Variants in UBE3A observed in about 807,000 individuals in gnomAD.
UBE3A encodes ubiquitin-protein ligase E3A.
A neutral mutation model predicts 83.4 loss-of-function variants in UBE3A; 6 were observed. That is an observed-to-expected ratio of 0.07 (90% CI 0.04 to 0.14). The LOEUF (loss-of-function observed/expected upper bound fraction) is 0.14. Ranked by LOEUF, UBE3A falls within the 10% of genes least tolerant of loss-of-function variation. The pLI, the probability that UBE3A is intolerant of heterozygous loss-of-function variation, is 1.00. For missense variants in UBE3A, 456 were observed against 1,036.1 expected (o/e 0.44, Z 7.69); for synonymous variants, 337 against 355.4 (o/e 0.95, Z 0.58).
At chr15:25,402,694 A>G (rs541457523) in intron 4 of UBE3A, among the ~76,000 whole-genome samples, 35 of 152,314 alleles carry the variant, frequency 2.3e-4, no homozygotes, top group South Asian at 1.2e-3. Context: ...CCCCAGGTGA[A>G]CAGTCTCTCT....
intron 11 of UBE3A, among the ~76,000 whole-genome samples, chr15:25,351,893 T>A (rs141582146): frequency 0.011 from 1,614 of 152,280 alleles, 25 homozygotes; most frequent in Middle Eastern, 0.031. Context: ...AAGGTTTGAT[T>A]CAGATTCAGA....
chr15:25,414,274 T>C (rs1006621136), intron 1 of UBE3A, among the ~76,000 whole-genome samples: 9 of 152,186 alleles, frequency 5.9e-5, no homozygotes, highest in African/African-American at 2.2e-4. Context: ...CCCTAACCAC[T>C]GTGTAGGTTG....
At position 25,342,197 on chromosome 15, in the gene UBE3A, A is replaced by G. The variant is rs566770895; in HGVS notation, c.2355-1969T>C. On this transcript the variant is annotated intron_variant, in intron 11 of 12. Transcript: ENST00000648336. ...CTGCTGTAGCACAGAACCCTCCAAC[A>G]TAGCAGAAAAGCTGCCCTGCAGTGG... 3.3e-5 allele frequency among the ~76,000 whole-genome samples: 5 copies of G among 152,262 alleles called. No individual in the cohort carries two copies. In the South Asian group the frequency reaches 1.0e-3, roughly 32 times the overall value.
chr15:25,434,969 TACACACACAC>T (rs55856025), intron 1 of UBE3A, among the ~76,000 whole-genome samples: 19,495 of 142,710 alleles, frequency 0.14, 1,738 homozygotes, highest in East Asian at 0.27. Flanking sequence ...TCTATATACA[TACACACACAC>T]ACACACACAC....
intron 1 of UBE3A, chr15:25,413,108 G>A: frequency 2.4e-6 from 1 of 409,538 alleles, no homozygotes; most frequent in Non-Finnish European, 4.7e-6. Flanking sequence ...TAAAAATACA[G>A]AATAACAAAA....
At chr15:25,366,722 A>G (rs986150930) in intron 6 of UBE3A, among the ~76,000 whole-genome samples, 2 of 152,238 alleles carry the variant, frequency 1.3e-5, no homozygotes, top group Admixed American at 6.5e-5. Context: ...ACATACTTGT[A>G]TATCAAAATG....
At chr15:25,364,219 ATAAAT>A (rs1354131500) in intron 6 of UBE3A, among the ~76,000 whole-genome samples, 2 of 152,048 alleles carry the variant, frequency 1.3e-5, no homozygotes, top group African/African-American at 4.8e-5. Context: ...AAAAATTAAA[ATAAAT>A]AAAATAGTAA....
intron 3 of UBE3A, 75 bp from the exon 4 acceptor site, chr15:25,405,577 A>T (rs2088320836): frequency 1.3e-6 from 2 of 1,484,152 alleles, no homozygotes; most frequent in Non-Finnish European, 1.9e-6. Context: ...ATTACTTAGG[A>T]AGACAATTTT....
intron 11 of UBE3A, chr15:25,354,147 A>AT: frequency 1.6e-6 from 1 of 613,502 alleles, no homozygotes; most frequent in Non-Finnish European, 2.9e-6. Flanking sequence ...CATGAGACTT[A>AT]TATATAACAA....
At chr15:25,437,275 T>C (rs1895381128) in intron 1 of UBE3A, among the ~76,000 whole-genome samples, 1 of 152,152 alleles carries the variant, frequency 6.6e-6, no homozygotes, top group South Asian at 2.1e-4. Context: ...TCTCCTAAAT[T>C]CTAAATTTTA....
intron 6 of UBE3A, among the ~76,000 whole-genome samples, chr15:25,368,062 T>C (rs2079611873): frequency 6.6e-6 from 1 of 152,096 alleles, no homozygotes; most frequent in Non-Finnish European, 1.5e-5. Flanking sequence ...CCAACCCTGC[T>C]ATACAATTCC....
chr15:25,354,121 C>T, intron 11 of UBE3A: 1 of 576,938 alleles, frequency 1.7e-6, no homozygotes. Context: ...ATCCATACGC[C>T]AAATGCAGGA....
At chr15:25,386,197 T>C (rs114861286) in intron 4 of UBE3A, among the ~76,000 whole-genome samples, 5,661 of 152,174 alleles carry the variant, frequency 0.037, 343 homozygotes, top group African/African-American at 0.13. Flanking sequence ...ATAAGCTCAC[T>C]AAAAAGACTG....
At chr15:25,354,148 T>C (rs532061617) in intron 11 of UBE3A, 182 of 614,612 alleles carry the variant, frequency 3.0e-4, no homozygotes, top group Middle Eastern at 8.9e-4. Flanking sequence ...ATGAGACTTA[T>C]ATATAACAAC....
intron 7 of UBE3A, among the ~76,000 whole-genome samples, chr15:25,358,094 G>A (rs573252378): frequency 4.6e-5 from 7 of 151,908 alleles, no homozygotes; most frequent in Middle Eastern, 3.4e-3. Context: ...ATTGGGGCCC[G>A]GTGTGGTAGT....
At chr15:25,430,575 A>G (rs1047609392) in intron 1 of UBE3A, among the ~76,000 whole-genome samples, 2 of 151,744 alleles carry the variant, frequency 1.3e-5, no homozygotes, top group East Asian at 3.9e-4. Flanking sequence ...ACTGACCCCT[A>G]GTTCTGCCTA....
intron 6 of UBE3A, among the ~76,000 whole-genome samples, chr15:25,367,176 TTTGTAA>T (rs2079277453): frequency 1.0e-5 from 1 of 95,372 alleles, no homozygotes; most frequent in Non-Finnish European, 2.0e-5. Context: ...TATTTACATA[TTTGTAA>T]ATATGTAAAT....
At chr15:25,439,044 C>T (rs1382989330), upstream of UBE3A, 1 of 151,710 alleles carries the variant, frequency 6.6e-6, no homozygotes, top group Non-Finnish European at 1.5e-5. Flanking sequence ...GGCCGAGTAT[C>T]CCGGCAGGCA....
chr15:25,356,728 T>A lies in UBE3A; in HGVS notation c.1922A>T (p.Lys641Ile). The change falls in exon 8 of 13, where the codon AAA becomes ATA. Residue 641 changes from lysine to isoleucine, a missense_variant. By Grantham distance (102) the Lys-to-Ile change is moderately radical (BLOSUM62 -3). This residue lies in a region of UBE3A where 18 missense variants were observed against 17.6 expected (regional missense o/e 1.02). Transcript: ENST00000648336. Reference sequence around the variant, plus strand: ...TCCCAAGTCACGAAAAGTTCCTTTTTTCCCCATTAGCTTCCTGTAGACAAC... The same window carrying A: ...TCCCAAGTCACGAAAAGTTCCTTTTATCCCCATTAGCTTCCTGTAGACAAC... ...PMVVYRKLMGKKGTFRDLGDS... is the reference protein window; with the variant it reads ...PMVVYRKLMGIKGTFRDLGDS... 6.2e-7 allele frequency: 1 copy of A among 1,613,590 alleles called. No individual in the cohort carries two copies. Among genetic ancestry groups the A allele is most frequent in the Non-Finnish European group, 8.5e-7 (1 of 1,179,892 alleles).
Sources: allele counts gnomAD v4.1 joint callset (sites outside exome capture counted in the v4.1 genomes callset), GRCh38; gene constraint gnomAD v4.1.1; regional missense constraint gnomAD v4.1.1; transcripts MANE v1.5; gene names NCBI Gene and HGNC (gene_info 2026-07-23, HGNC 2026-07-21).